The following XYLT1 variants were observed in gnomAD, a reference collection of about 807,000 sequenced individuals.
XYLT1 encodes xylosyltransferase 1.
XYLT1 carries 36 observed loss-of-function variants against 91.3 expected under a neutral mutation model. The ratio of observed to expected loss-of-function variants is 0.39; its 90% confidence interval spans 0.30 to 0.52. XYLT1 has a LOEUF of 0.52. Among genes scored for constraint, XYLT1 ranks in the 20% least tolerant of loss-of-function variants. The pLI is 0.68. For synonymous variants in XYLT1, 588 were observed against 532.0 expected (o/e 1.11, Z -1.45); for missense variants, 1,242 against 1,284.5 (o/e 0.97, Z 0.51).
At chr16:17,187,316 C>G (rs913158066) in intron 5 of XYLT1, among the ~76,000 whole-genome samples, 20 of 148,576 alleles carry the variant, frequency 1.3e-4, no homozygotes, top group Non-Finnish European at 8.9e-5. Context: ...TTCCCTTGAA[C>G]CAGGGAGGCG....
chr16:17,138,537 G>C lies in XYLT1; in HGVS notation c.1588-6C>G, dbSNP rs1397689646. The C allele has an allele frequency of 1.2e-6, 2 of 1,612,010 alleles. No individual in the cohort carries two copies. Among genetic ancestry groups the C allele is most frequent in the Non-Finnish European group, 1.7e-6 (2 of 1,178,280 alleles). On this transcript the variant is annotated splice_region_variant and splice_polypyrimidine_tract_variant and intron_variant, in intron 7 of 11. Coordinates refer to ENST00000261381, the MANE Select transcript of XYLT1 (RefSeq NM_022166.4). Reference sequence around the variant, plus strand: ...AGGACCGTATGGAAGAAGGACTGCAGGGGAGAGAGGGACCCAGCCTGAGAC... The same window carrying C: ...AGGACCGTATGGAAGAAGGACTGCACGGGAGAGAGGGACCCAGCCTGAGAC...
At chr16:17,209,102 C>T (rs2032711647) in intron 3 of XYLT1, among the ~76,000 whole-genome samples, 1 of 152,222 alleles carries the variant, frequency 6.6e-6, no homozygotes. Context: ...CACCATCCAT[C>T]TCCAGAACTC....
In XYLT1 at chr16:17,117,814, T is replaced by A; in HGVS notation, c.2389A>T (p.Ile797Phe). The A allele has an allele frequency of 6.2e-7, 1 of 1,614,082 alleles. No homozygotes were observed. Among genetic ancestry groups the A allele is most frequent in the East Asian group, 2.2e-5 (1 of 44,870 alleles). Residue 797 changes from isoleucine (I) to phenylalanine (F), a missense_variant, in exon 11 of 12, where the codon ATC becomes TTC. Physicochemically the swap from Ile to Phe is conservative, Grantham distance 21. Around this residue, in one of 3 missense-constraint regions of XYLT1, gnomAD observed 511 missense variants for 497.0 expected, o/e 1.03. Transcript: ENST00000261381. Reference sequence around the variant, plus strand: ...AATTCGGCAGTGGACTCAATGAGGATGTCGTAGGTGGCTGCGATGACATTG... The same window carrying A: ...AATTCGGCAGTGGACTCAATGAGGAAGTCGTAGGTGGCTGCGATGACATTG... ...PVNVIAATYDILIESTAEFTH... is the reference protein window; with the variant it reads ...PVNVIAATYDFLIESTAEFTH...
At chr16:17,112,437 C>G (rs984145755) in intron 11 of XYLT1, among the ~76,000 whole-genome samples, 14 of 151,878 alleles carry the variant, frequency 9.2e-5, no homozygotes, top group Non-Finnish European at 2.1e-4. Flanking sequence ...CCCTGCCTTC[C>G]TTAGAAACCC....
chr16:17,327,389 G>C (rs563720013), intron 2 of XYLT1, among the ~76,000 whole-genome samples: 35 of 129,280 alleles, frequency 2.7e-4, no homozygotes, highest in African/African-American at 1.0e-3. Context: ...TTGAGATAGA[G>C]TCTCGCTCTG....
chr16:17,313,592 C>A (rs1424972025), intron 2 of XYLT1, among the ~76,000 whole-genome samples: 1 of 151,984 alleles, frequency 6.6e-6, no homozygotes, highest in East Asian at 1.9e-4. Flanking sequence ...TGGGTGAATT[C>A]TTTCCTTCAA....
At chr16:17,151,336 G>A (rs2031278236) in intron 6 of XYLT1, among the ~76,000 whole-genome samples, 2 of 152,170 alleles carry the variant, frequency 1.3e-5, no homozygotes, top group Non-Finnish European at 1.5e-5. Context: ...TGAGACACGA[G>A]AATCGCTTGT....
At chr16:17,384,354 C>T (rs766024985) in intron 1 of XYLT1, among the ~76,000 whole-genome samples, 7 of 151,748 alleles carry the variant, frequency 4.6e-5, no homozygotes, top group African/African-American at 7.2e-5. Flanking sequence ...TTCTGTCTCT[C>T]GGCTGGCCAG....
chr16:17,360,208 A>G (rs188719945), intron 1 of XYLT1, among the ~76,000 whole-genome samples: 1 of 152,320 alleles, frequency 6.6e-6, no homozygotes, highest in East Asian at 1.9e-4. Flanking sequence ...GCTGTACTTC[A>G]CAGACCATTT....
intron 2 of XYLT1, among the ~76,000 whole-genome samples, chr16:17,262,251 C>T (rs1026351218): frequency 2.6e-5 from 4 of 152,156 alleles, no homozygotes; most frequent in African/African-American, 9.7e-5. Flanking sequence ...GATGCAGTAC[C>T]TCACTTAACT....
intron 1 of XYLT1, among the ~76,000 whole-genome samples, chr16:17,399,661 G>A (rs2035938630): frequency 6.6e-6 from 1 of 152,132 alleles, no homozygotes; most frequent in Non-Finnish European, 1.5e-5. Flanking sequence ...CTTGTTTAAA[G>A]ATACGCCAAT....
chr16:17,304,179 T>C (rs1243926590), intron 2 of XYLT1, among the ~76,000 whole-genome samples: 1 of 152,032 alleles, frequency 6.6e-6, no homozygotes, highest in Non-Finnish European at 1.5e-5. Context: ...GAAAAAAAAG[T>C]AGATCAGAGG....
In XYLT1 at chr16:17,410,844, G is replaced by A. The variant is rs572725608; in HGVS notation, c.364-52794C>T. On this transcript the variant is annotated intron_variant, in intron 1 of 11. Coordinates refer to ENST00000261381, the MANE Select transcript of XYLT1 (RefSeq NM_022166.4). ...TTTAGTAGAGACAGGGTTTCACCAC[G>A]TTGGCCAGGCTGGTCTCAAACTCTT... Among the ~76,000 whole-genome samples the A allele has an allele frequency of 5.9e-5, 9 of 152,098 alleles. No homozygotes were observed. The South Asian group carries it at 1.9e-3, about 32-fold the overall frequency.
At chr16:17,168,293 A>G (rs1173388758) in intron 5 of XYLT1, among the ~76,000 whole-genome samples, 2 of 152,228 alleles carry the variant, frequency 1.3e-5, no homozygotes, top group African/African-American at 2.4e-5. Flanking sequence ...CTTTGCTGCA[A>G]TATGGATGCA....
rs780999927 is a variant in XYLT1, at chr16:17,134,649, G to A, written c.1851C>T (p.Tyr617=). 26 of 1,614,070 alleles carry A rather than the reference G, an allele frequency of 1.6e-5. No individual in the cohort carries two copies. The highest frequency in any genetic ancestry group is 3.3e-5 in the South Asian group (3 of 91,082). ...CCGGGGTACCTGCAGGGTAGTTCCC[G>A]TACAGGTAATAGTCCAGCTGCCCAA... ...EIIGQLDYYL[Y]GNYPAGTPGL... is the part of the protein sequence containing the mutation. The change falls in exon 9 of 12, where the codon TAC becomes TAT. Residue 617 remains tyrosine, a synonymous_variant. Coordinates refer to ENST00000261381, the MANE Select transcript of XYLT1 (RefSeq NM_022166.4).
At chr16:17,270,368 C>T (rs2033871151) in intron 2 of XYLT1, among the ~76,000 whole-genome samples, 1 of 152,194 alleles carries the variant, frequency 6.6e-6, no homozygotes, top group African/African-American at 2.4e-5. Flanking sequence ...CCTGACTTAA[C>T]CCACTCCCCT....
At chr16:17,447,474 T>C (rs2036607722) in intron 1 of XYLT1, among the ~76,000 whole-genome samples, 1 of 152,270 alleles carries the variant, frequency 6.6e-6, no homozygotes, top group African/African-American at 2.4e-5. Context: ...GAAAACATTG[T>C]GTCCTGCACA....
At chr16:17,383,514 C>G (rs934245629) in intron 1 of XYLT1, among the ~76,000 whole-genome samples, 3 of 151,890 alleles carry the variant, frequency 2.0e-5, no homozygotes, top group African/African-American at 7.2e-5. Flanking sequence ...CAGAGCCAAA[C>G]AGGGTGTCTG....
chr16:17,185,507 A>G (rs1053405322), intron 5 of XYLT1, among the ~76,000 whole-genome samples: 2 of 152,208 alleles, frequency 1.3e-5, no homozygotes, highest in Non-Finnish European at 2.9e-5. Context: ...TGCAGGGGAG[A>G]TGGTCACACC....
Sources: allele counts gnomAD v4.1 joint callset (sites outside exome capture counted in the v4.1 genomes callset), GRCh38; gene constraint gnomAD v4.1.1; regional missense constraint gnomAD v4.1.1; transcripts MANE v1.5; gene names NCBI Gene and HGNC (gene_info 2026-07-23, HGNC 2026-07-21).